Variants in PIBF1 observed in about 807,000 individuals in gnomAD.
PIBF1 encodes progesterone-induced-blocking factor 1.
In PIBF1, 90 loss-of-function variants were observed where a neutral mutation model predicts 112.5. That is an observed-to-expected ratio of 0.80 (90% CI 0.67 to 0.95). PIBF1 has a LOEUF of 0.95. Among genes scored for constraint, PIBF1 ranks in the 40% least tolerant of loss-of-function variants. PIBF1 has a pLI of 0.00. For missense variants in PIBF1, 915 were observed against 852.3 expected, an observed-to-expected ratio of 1.07 and a Z score of -0.92; for synonymous variants, 301 against 288.6, an observed-to-expected ratio of 1.04 and a Z score of -0.44.
At chr13:72,884,776 A>G (rs539382108) in intron 10 of PIBF1, 6 of 152,286 alleles carry the variant, frequency 3.9e-5, no homozygotes, top group Non-Finnish European at 7.4e-5. Flanking sequence ...AGTGCCTAAC[A>G]TAAGATTATA....
Position 72,917,183 on chromosome 13 carries a change from T to C in PIBF1, c.1730+17T>C. On this transcript the variant is annotated intron_variant, in intron 13 of 17. Transcript: ENST00000326291. ...AAAGCAAAGGTAAAATCAATATATA[T>C]TTATTTTATTTATCTACTCAAGATG... 1 of 1,412,180 alleles carries C rather than the reference T, an allele frequency of 7.1e-7. No individual in the cohort carries two copies. The highest frequency in any genetic ancestry group is 9.7e-7 in the Non-Finnish European group (1 of 1,029,682). 87.5% of individuals were successfully genotyped at this position (1,412,180 alleles called of 1,614,324 possible). A position where few individuals can be genotyped will look rare whatever the true frequency, so the allele number is the denominator to read the frequency against.
At chr13:72,806,231 T>A (rs1326083811) in intron 5 of PIBF1, among the ~76,000 whole-genome samples, 1 of 152,172 alleles carries the variant, frequency 6.6e-6, no homozygotes, top group South Asian at 2.1e-4. Context: ...TTGGTAACCA[T>A]TTTTTAACTT....
At chr13:72,797,069 G>A (rs2035233870) in intron 4 of PIBF1, among the ~76,000 whole-genome samples, 2 of 152,126 alleles carry the variant, frequency 1.3e-5, no homozygotes, top group African/African-American at 2.4e-5. Context: ...TACTGAGCTA[G>A]GGTAGGAAAA....
chr13:72,874,099 T>C (rs1168247128), intron 10 of PIBF1, among the ~76,000 whole-genome samples: 2 of 152,178 alleles, frequency 1.3e-5, no homozygotes, highest in African/African-American at 2.4e-5. Flanking sequence ...TACCAAGTGT[T>C]GGTAAGGTTG....
intron 13 of PIBF1, among the ~76,000 whole-genome samples, chr13:72,917,744 T>G (rs535721450): frequency 1.3e-5 from 2 of 152,358 alleles, no homozygotes; most frequent in South Asian, 2.1e-4. Flanking sequence ...AAAGAATGGA[T>G]GATTGCATCT....
rs539145008 is a variant in PIBF1 at position 72,940,183 on chromosome 13, C to A, written c.1833+8916C>A. Among the ~76,000 whole-genome samples, 28 of 152,224 alleles carry A rather than the reference C, an allele frequency of 1.8e-4. No homozygotes were observed. In the South Asian group the frequency reaches 5.4e-3, roughly 29 times the overall value. Reference sequence around the variant, plus strand: ...TGCTTAAAGTTATTCTACAACAGAACAAATGATGTTCTCTTCAGTTTTTTT... The same window carrying A: ...TGCTTAAAGTTATTCTACAACAGAAAAAATGATGTTCTCTTCAGTTTTTTT... On this transcript the variant is annotated intron_variant, in intron 14 of 17. Coordinates refer to ENST00000326291, the MANE Select transcript of PIBF1 (RefSeq NM_006346.4).
At chr13:72,967,999 C>A (rs1180209910) in intron 15 of PIBF1, among the ~76,000 whole-genome samples, 2 of 151,954 alleles carry the variant, frequency 1.3e-5, no homozygotes, top group African/African-American at 4.8e-5. Flanking sequence ...TCCTGGCTAA[C>A]ACGGTGAAAC....
At chr13:72,837,351 C>T (rs767640245) in intron 9 of PIBF1, among the ~76,000 whole-genome samples, 3 of 151,990 alleles carry the variant, frequency 2.0e-5, no homozygotes, top group Non-Finnish European at 4.4e-5. Flanking sequence ...GTGAATAAGG[C>T]TTTTGAAGTC....
intron 17 of PIBF1, among the ~76,000 whole-genome samples, chr13:72,999,668 A>T (rs892178454): frequency 1.3e-5 from 2 of 152,236 alleles, no homozygotes; most frequent in Non-Finnish European, 2.9e-5. Flanking sequence ...ATTTTATTAT[A>T]CATGCAGATA....
At chr13:72,895,034 GGA>G (rs2040223959) in intron 11 of PIBF1, among the ~76,000 whole-genome samples, 3 of 151,486 alleles carry the variant, frequency 2.0e-5, no homozygotes, top group African/African-American at 7.3e-5. Flanking sequence ...GAGACAGGGA[GGA>G]TTGCTTAAGC....
At chr13:72,843,483 C>T (rs1239460382) in intron 9 of PIBF1, among the ~76,000 whole-genome samples, 2 of 152,210 alleles carry the variant, frequency 1.3e-5, no homozygotes, top group Non-Finnish European at 2.9e-5. Context: ...ACAGTCTTGG[C>T]TCACTGCAAC....
intron 13 of PIBF1, among the ~76,000 whole-genome samples, chr13:72,929,831 G>C (rs1393919295): frequency 1.3e-5 from 2 of 151,962 alleles, no homozygotes; most frequent in Non-Finnish European, 2.9e-5. Flanking sequence ...CTTAGAAATA[G>C]ATATATAGAA....
chr13:72,957,636 A>G (rs905439454), intron 14 of PIBF1, among the ~76,000 whole-genome samples: 1 of 152,050 alleles, frequency 6.6e-6, no homozygotes, highest in African/African-American at 2.4e-5. Flanking sequence ...GTAACCAAAT[A>G]CCACCTGTTC....
intron 5 of PIBF1, among the ~76,000 whole-genome samples, chr13:72,818,369 T>C (rs145145788): frequency 6.6e-6 from 1 of 152,302 alleles, no homozygotes; most frequent in Non-Finnish European, 1.5e-5. Flanking sequence ...AGGTTACTTA[T>C]GTGATTAATT....
At chr13:72,987,712 A>G (rs192663088) in intron 16 of PIBF1, among the ~76,000 whole-genome samples, 32 of 144,470 alleles carry the variant, frequency 2.2e-4, no homozygotes, top group Admixed American at 1.4e-3. Flanking sequence ...GGGTCTTGCT[A>G]TGTTGCCCAG....
chr13:72,859,978 A>G (rs1223780503), intron 10 of PIBF1, among the ~76,000 whole-genome samples: 2 of 152,192 alleles, frequency 1.3e-5, no homozygotes, highest in African/African-American at 2.4e-5. Context: ...GGCAAGACAT[A>G]AAGTAGTAGA....
Position 72,915,365 on chromosome 13 carries a change from C to G in PIBF1, c.1640-1711C>G, listed in dbSNP as rs561871896. ...TGCTTCTAAGACACATTGTTCAGAT[C>G]TCTTTAATAGCATTGTTCAGATCCC... On this transcript the variant is annotated intron_variant, in intron 12 of 17. Transcript: ENST00000326291. 2.0e-5 allele frequency among the ~76,000 whole-genome samples: 3 copies of G among 152,280 alleles called. 1 individual carries two copies. The East Asian group carries it at 5.8e-4, about 29-fold the overall frequency.
At chr13:72,908,483 G>C (rs1322901485) in intron 11 of PIBF1, 48 bp from the exon 12 acceptor site, 1 of 1,337,810 alleles carries the variant, frequency 7.5e-7, no homozygotes, top group African/African-American at 1.5e-5. Context: ...TGTCTTAACT[G>C]TGCACCTGTT....
At chr13:72,943,838 GT>G (rs2042076687) in intron 14 of PIBF1, among the ~76,000 whole-genome samples, 2 of 152,210 alleles carry the variant, frequency 1.3e-5, no homozygotes, top group Admixed American at 6.5e-5. Context: ...AGGCAGACTG[GT>G]TATATGACTT....
Sources: gnomAD v4.1 joint callset for allele counts (sites outside exome capture counted in the v4.1 genomes callset) on GRCh38, gnomAD v4.1.1 for gene constraint, MANE v1.5 for transcripts, NCBI Gene and HGNC (gene_info 2026-07-23, HGNC 2026-07-21) for gene names.